Variants in TENM4 observed in about 807,000 individuals in gnomAD.
TENM4 encodes the protein teneurin transmembrane protein 4.
TENM4 carries 82 observed loss-of-function variants against 243.3 expected under a neutral mutation model. The observed-to-expected ratio is 0.34, with a 90% CI of 0.28 to 0.40. The LOEUF is 0.40. Among genes scored for constraint, TENM4 ranks in the 10% least tolerant of loss-of-function variants. The pLI is 1.00. For missense variants in TENM4, 3,138 were observed against 3,673.3 expected, an observed-to-expected ratio of 0.85 and a Z score of 3.77; for synonymous variants, 1,412 against 1,456.3, an observed-to-expected ratio of 0.97 and a Z score of 0.69.
At chr11:79,014,978 C>A (rs1186388148) in intron 6 of TENM4, among the ~76,000 whole-genome samples, 3 of 152,302 alleles carry the variant, frequency 2.0e-5, no homozygotes, top group African/African-American at 7.2e-5. Context: ...AATTTGGGAG[C>A]CCCTTTAGGA....
At position 78,951,480 on chromosome 11, in the gene TENM4, G is replaced by A. The variant is rs141219876; in HGVS notation, c.494-47957C>T. On this transcript the variant is annotated intron_variant, in intron 6 of 33. Transcript: ENST00000278550. ...TTATACCAGAGCTCTGGTCTTAGTC[G>A]GCTTAGGCTGCTGTACCAAAATTCC... 5.3e-5 allele frequency among the ~76,000 whole-genome samples: 8 copies of A among 152,272 alleles called. No homozygotes were observed. In the East Asian group the frequency reaches 1.4e-3, roughly 26 times the overall value.
intron 2 of TENM4, among the ~76,000 whole-genome samples, chr11:79,226,519 T>C (rs1327516860): frequency 1.3e-5 from 2 of 152,218 alleles, no homozygotes; most frequent in African/African-American, 4.8e-5. Context: ...TAACAGGGTA[T>C]GGCTTATAGG....
At chr11:79,311,530 C>T (rs928212789) in intron 1 of TENM4, among the ~76,000 whole-genome samples, 1 of 152,188 alleles carries the variant, frequency 6.6e-6, no homozygotes, top group African/African-American at 2.4e-5. Flanking sequence ...TCCTAGTTTG[C>T]AGATTGGGCT....
intron 28 of TENM4, among the ~76,000 whole-genome samples, chr11:78,698,331 G>A (rs779729020): frequency 6.6e-5 from 10 of 152,090 alleles, no homozygotes; most frequent in Non-Finnish European, 1.3e-4. Context: ...AGGTTGCAGT[G>A]AGCCGAGATC....
chr11:79,170,375 T>C (rs1424172116), intron 3 of TENM4, among the ~76,000 whole-genome samples: 1 of 152,004 alleles, frequency 6.6e-6, no homozygotes, highest in Admixed American at 6.5e-5. Context: ...ACTTGAGAGG[T>C]GTTATAGGTC....
chr11:79,344,888 A>ATTCAC (rs1410338329), intron 1 of TENM4, among the ~76,000 whole-genome samples: 4 of 152,210 alleles, frequency 2.6e-5, no homozygotes, highest in Non-Finnish European at 5.9e-5. Flanking sequence ...GCTGAGATAG[A>ATTCAC]TTCACTCATG....
intron 2 of TENM4, among the ~76,000 whole-genome samples, chr11:79,242,328 G>C (rs1268846458): frequency 6.6e-6 from 1 of 151,828 alleles, no homozygotes; most frequent in Non-Finnish European, 1.5e-5. Flanking sequence ...TTGCCTGTGA[G>C]GCTTAAATAA....
chr11:79,180,044 C>T (rs528318150), intron 3 of TENM4, among the ~76,000 whole-genome samples: 1 of 151,716 alleles, frequency 6.6e-6, no homozygotes, highest in South Asian at 2.1e-4. Context: ...TGCAAATTGC[C>T]CTGCAGTTTT....
At chr11:79,111,267 C>T (rs940760693) in intron 4 of TENM4, among the ~76,000 whole-genome samples, 2 of 152,158 alleles carry the variant, frequency 1.3e-5, no homozygotes, top group Non-Finnish European at 2.9e-5. Context: ...TTTTTCTGGC[C>T]AGGCGCCGTG....
At chr11:79,086,569 C>T (rs1200078887) in intron 4 of TENM4, among the ~76,000 whole-genome samples, 2 of 152,170 alleles carry the variant, frequency 1.3e-5, no homozygotes, top group South Asian at 2.1e-4. Context: ...TCTGGTGGCT[C>T]ATGCCTGTAA....
At chr11:79,168,696 C>G (rs899368864) in intron 3 of TENM4, among the ~76,000 whole-genome samples, 7 of 152,202 alleles carry the variant, frequency 4.6e-5, no homozygotes, top group Admixed American at 2.0e-4. Context: ...ATCCACACCC[C>G]TTTGCAATGT....
intron 1 of TENM4, among the ~76,000 whole-genome samples, chr11:79,387,816 G>A (rs1858148832): frequency 6.6e-6 from 1 of 152,106 alleles, no homozygotes; most frequent in African/African-American, 2.4e-5. Flanking sequence ...ACCAGCCCGG[G>A]CAACATGGTG....
chr11:78,778,551 C>A (rs957938317), intron 17 of TENM4, 51 bp downstream of exon 17: 59 of 1,581,488 alleles, frequency 3.7e-5, no homozygotes, highest in Non-Finnish European at 4.8e-5. Context: ...TATACTCATA[C>A]ACAAACACAC....
At chr11:79,423,562 A>G (rs1858984456) in intron 1 of TENM4, among the ~76,000 whole-genome samples, 1 of 140,176 alleles carries the variant, frequency 7.1e-6, no homozygotes, top group Non-Finnish European at 1.5e-5. Context: ...TTTTTTTGCA[A>G]GGAAACTGCA....
intron 4 of TENM4, among the ~76,000 whole-genome samples, chr11:79,127,193 G>C (rs1269235844): frequency 6.6e-6 from 1 of 152,206 alleles, no homozygotes. Flanking sequence ...AAGGCCAAAT[G>C]GAAGCCATTA....
intron 28 of TENM4, among the ~76,000 whole-genome samples, chr11:78,700,485 A>T (rs1248727480): frequency 6.6e-6 from 1 of 152,186 alleles, no homozygotes; most frequent in Non-Finnish European, 1.5e-5. Context: ...CACCTCTCAC[A>T]TGCTTATCTA....
chr11:79,063,007 A>C (rs1294888492), intron 6 of TENM4, among the ~76,000 whole-genome samples: 2 of 152,094 alleles, frequency 1.3e-5, no homozygotes, highest in Non-Finnish European at 2.9e-5. Flanking sequence ...GGACCAACGG[A>C]GAGTGACAGT....
chr11:78,853,950 G>C (rs1455322261), intron 12 of TENM4, among the ~76,000 whole-genome samples, 154 bp downstream of exon 12: 4 of 152,188 alleles, frequency 2.6e-5, no homozygotes, highest in Non-Finnish European at 5.9e-5. Context: ...GCGATTCCCT[G>C]TGTAGCAGGC....
chr11:78,756,525 T>C (rs1856308703), intron 19 of TENM4: 3 of 415,358 alleles, frequency 7.2e-6, no homozygotes, highest in African/African-American at 6.1e-5. Flanking sequence ...TGGGTATTGA[T>C]CCAAGATTCC....
Sources: gnomAD v4.1 joint callset for allele counts (sites outside exome capture counted in the v4.1 genomes callset) on GRCh38, gnomAD v4.1.1 for gene constraint, MANE v1.5 for transcripts, NCBI Gene and HGNC (gene_info 2026-07-23, HGNC 2026-07-21) for gene names.